CARS1: variants seen among roughly 807,000 people sequenced by gnomAD.
CARS1 encodes cysteinyl-tRNA synthetase 1.
Under a neutral mutation model 106.2 loss-of-function variants are expected in CARS1, and 48 were observed. The ratio of observed to expected loss-of-function variants is 0.45; its 90% CI spans 0.36 to 0.57. CARS1 has a LOEUF of 0.57. Among genes scored for constraint, CARS1 ranks in the 20% least tolerant of loss-of-function variants. The pLI, the probability that CARS1 is intolerant of heterozygous loss-of-function variation, is 0.00. For synonymous variants in CARS1, 409 were observed against 403.4 expected (o/e 1.01, Z -0.17); for missense variants, 968 against 1,057.2 (o/e 0.92, Z 1.17).
chr11:3,004,476 C>T lies in CARS1; in HGVS notation c.2217+890G>A, dbSNP rs889395285. ...TCCTGAGAGCTGTGGCATCCAAACT[C>T]GCCCTCCACGGTGGTCTCCTGCTTT... On this transcript the variant is annotated intron_variant, in intron 20 of 22. Coordinates refer to ENST00000380525, the MANE Select transcript of CARS1 (RefSeq NM_001014437.3). This position sits in a 1 kb window ranked among gnomAD's most constrained non-coding sequence, Gnocchi z 5.2. Among the ~76,000 whole-genome samples the T allele has an allele frequency of 2.0e-5, 3 of 152,208 alleles. No individual in the cohort carries two copies. Among genetic ancestry groups the T allele is most frequent in the African/African-American group, 7.2e-5 (3 of 41,468 alleles).
intron 18 of CARS1, among the ~76,000 whole-genome samples, chr11:3,011,914 C>A (rs1367432024): frequency 6.6e-6 from 1 of 152,236 alleles, no homozygotes; most frequent in Admixed American, 6.5e-5. Context: ...TCAACCCTGG[C>A]CCATCATATC....
rs953873382 is a variant in CARS1, at chr11:3,041,151, G to A, written c.367-167C>T. The A allele has an allele frequency of 9.2e-7, 1 of 1,091,232 alleles. No homozygotes were observed. Among genetic ancestry groups the A allele is most frequent in the African/African-American group, 1.6e-5 (1 of 62,272 alleles). 67.6% of individuals were successfully genotyped at this position (1,091,232 alleles called of 1,614,324 possible). On this transcript the variant is annotated intron_variant, in intron 3 of 22. Transcript: ENST00000380525. The surrounding 1 kb of genome is among the most constrained non-coding windows in gnomAD (Gnocchi z 4.9). ...AAGTCACAGTCTCAGTGGGAGCCCA[G>A]TGAGATGTACGGCACCTCCCACCAA...
Position 3,028,087 on chromosome 11 carries a change from G to A in CARS1, c.1031+909C>T. ...AGATAGCAGTAGCAAATTAGTGAAA[G>A]TACTAAAAGTCTCTGATATGCAGAA... On this transcript the variant is annotated intron_variant, in intron 9 of 22. Coordinates refer to ENST00000380525, the MANE Select transcript of CARS1 (RefSeq NM_001014437.3). This position sits in a 1 kb window ranked among gnomAD's most constrained non-coding sequence, Gnocchi z 4.4. 1 of 291,198 alleles carries A rather than the reference G, an allele frequency of 3.4e-6. No individual in the cohort carries two copies. Among genetic ancestry groups the A allele is most frequent in the East Asian group, 9.9e-5 (1 of 10,150 alleles). 18.0% of individuals were successfully genotyped at this position (291,198 alleles called of 1,614,324 possible).
chr11:3,049,407 T>C (rs1855433921), intron 1 of CARS1, among the ~76,000 whole-genome samples: 1 of 152,230 alleles, frequency 6.6e-6, no homozygotes, highest in Admixed American at 6.5e-5. Flanking sequence ...TCCCTGCAAT[T>C]ACCTCTGACA....
In CARS1 at chr11:3,040,761, T is replaced by A. The variant is rs1430015923; in HGVS notation, c.455+135A>T. ...TAAAAATAAGAGAAGAAATTCAGTC[T>A]TGATTCCTCAAATCTCAGGTCTCTG... On this transcript the variant is annotated intron_variant, in intron 4 of 22. Coordinates refer to ENST00000380525, the MANE Select transcript of CARS1 (RefSeq NM_001014437.3). This position sits in a 1 kb window ranked among gnomAD's most constrained non-coding sequence, Gnocchi z 5.8. 22 of 872,458 alleles carry A rather than the reference T, an allele frequency of 2.5e-5. No individual in the cohort carries two copies. The highest frequency in any genetic ancestry group is 1.8e-5 in the Non-Finnish European group (10 of 556,576). 54.0% of individuals were successfully genotyped at this position (872,458 alleles called of 1,614,324 possible).
At chr11:3,005,573 C>T (rs1849779445) in intron 19 of CARS1, 140 bp from the exon 20 acceptor site, 1 of 599,858 alleles carries the variant, frequency 1.7e-6, no homozygotes, top group Non-Finnish European at 3.0e-6. Context: ...GAAAAACAAA[C>T]AAAAACCTCC....
In CARS1 at chr11:3,018,478, G is replaced by A. The variant is rs769328079; in HGVS notation, c.1559C>T (p.Ser520Leu). The change falls in exon 14 of 23, where the codon TCG becomes TTG. Residue 520 changes from serine (S) to leucine (L), a missense_variant. Physicochemically the swap from Ser to Leu is moderately radical, Grantham distance 145. Transcript: ENST00000380525. ...RQLRLAFLMH[S>L]WKDTLDYSSN... is the part of the protein sequence containing the mutation. ...GGAGTAGTCCAGGGTGTCCTTCCAC[G>A]AGTGCATGAGGAAGGCCAGCCGCAA... 6.2e-6 allele frequency: 10 copies of A among 1,614,032 alleles called. No individual in the cohort carries two copies. The East Asian group carries it at 6.7e-5, about 11-fold the overall frequency.
chr11:3,039,943 A>G lies in CARS1; in HGVS notation c.456-12T>C. 1 of 1,454,544 alleles carries G rather than the reference A, an allele frequency of 6.9e-7. No individual in the cohort carries two copies. Among genetic ancestry groups the G allele is most frequent in the African/African-American group, 1.4e-5 (1 of 70,148 alleles). The allele number at this position is 1,454,544 out of a possible 1,614,324, so 90.1% of individuals were successfully genotyped here. On this transcript the variant is annotated splice_polypyrimidine_tract_variant and intron_variant, in intron 4 of 22. Transcript: ENST00000380525. The surrounding 1 kb of genome is among the most constrained non-coding windows in gnomAD (Gnocchi z 5.6). ...AAGAGATGTAGGACCTAAAGCAATGAAAAAACAAACATTTCCACACCAGAC... is the reference window on the plus strand; with the variant it reads ...AAGAGATGTAGGACCTAAAGCAATGGAAAAACAAACATTTCCACACCAGAC...
chr11:3,018,521 G>GA lies in CARS1; in HGVS notation c.1526-11dup. On this transcript the variant is annotated splice_polypyrimidine_tract_variant and intron_variant, in intron 13 of 22. Coordinates refer to ENST00000380525, the MANE Select transcript of CARS1 (RefSeq NM_001014437.3). ...AGCCGCAACTGCCGTGCTGTGGGGG[G>GA]ACACAAGACAGCCAACGCCCTTATT... 2 of 1,613,234 alleles carry GA rather than the reference G, an allele frequency of 1.2e-6. No individual in the cohort carries two copies. The highest frequency in any genetic ancestry group is 8.5e-7 in the Non-Finnish European group (1 of 1,179,166).
chr11:3,001,911 C>A (rs1849432039), intron 22 of CARS1, 59 bp downstream of exon 22: 1 of 1,283,574 alleles, frequency 7.8e-7, no homozygotes, highest in Non-Finnish European at 1.1e-6. Context: ...TCCTGTCCTC[C>A]CACTTTAATG....
chr11:3,018,444 G>A lies in CARS1; in HGVS notation c.1593C>T (p.Thr531=), dbSNP rs1851256171. Reference sequence around the variant, plus strand: ...TCTCATATTGAAGCGCTGACTCCATGGTGTTGCTGGAGTAGTCCAGGGTGT... The same window carrying A: ...TCTCATATTGAAGCGCTGACTCCATAGTGTTGCTGGAGTAGTCCAGGGTGT... The part of the protein sequence containing the change: ...WKDTLDYSSN[T]MESALQYEKF... Residue 531 remains threonine (T), a synonymous_variant, in exon 14 of 23, where the codon ACC becomes ACT. Coordinates refer to ENST00000380525, the MANE Select transcript of CARS1 (RefSeq NM_001014437.3). 2 of 1,613,782 alleles carry A rather than the reference G, an allele frequency of 1.2e-6. No individual in the cohort carries two copies. Among genetic ancestry groups the A allele is most frequent in the Non-Finnish European group, 1.7e-6 (2 of 1,179,640 alleles).
Position 3,017,207 on chromosome 11 carries a change from T to C in CARS1, c.1816A>G (p.Ser606Gly). ...GCTGCCATATAGAGGTTGCACTGAC[T>C]GACCAAGGCCCGCATCTCTTCCATG... Reference protein sequence around the residue: ...TVMEEMRALVSQCNLYMAARK... With the variant: ...TVMEEMRALVGQCNLYMAARK... The change falls in exon 16 of 23, where the codon AGT (serine) becomes GGT (glycine). Residue 606 changes from serine (S) to glycine (G), a missense_variant. Transcript: ENST00000380525. This position sits in a 1 kb window ranked among gnomAD's most constrained non-coding sequence, Gnocchi z 4.9. 6.2e-7 allele frequency: 1 copy of C among 1,614,198 alleles called. No homozygotes were observed. The highest frequency in any genetic ancestry group is 1.3e-5 in the African/African-American group (1 of 75,060).
Position 3,029,186 on chromosome 11 carries a change from C to T in CARS1, c.943-102G>A. 6.9e-7 allele frequency: 1 copy of T among 1,440,064 alleles called. No individual in the cohort carries two copies. Among genetic ancestry groups the T allele is most frequent in the Non-Finnish European group, 9.7e-7 (1 of 1,025,686 alleles). The allele number at this position is 1,440,064 out of a possible 1,614,324, so 89.2% of individuals were successfully genotyped here. A position where few individuals can be genotyped will look rare whatever the true frequency, so the allele number is the denominator to read the frequency against. On this transcript the variant is annotated intron_variant, in intron 8 of 22. Coordinates refer to ENST00000380525, the MANE Select transcript of CARS1 (RefSeq NM_001014437.3). This position sits in a 1 kb window ranked among gnomAD's most constrained non-coding sequence, Gnocchi z 5.9. ...AAAACGAAAAGCCCATTATGCCCCT[C>T]AACTCAAGTTCAATGTTGACTTGGC... is the stretch of plus-strand genomic sequence containing the variant.
Position 3,020,800 on chromosome 11 carries a change from T to C in CARS1, c.1154-468A>G, listed in dbSNP as rs1215244718. Among the ~76,000 whole-genome samples, 2 of 152,192 alleles carry C rather than the reference T, an allele frequency of 1.3e-5. No homozygotes were observed. Among genetic ancestry groups the C allele is most frequent in the Non-Finnish European group, 2.9e-5 (2 of 68,036 alleles). Reference sequence around the variant, plus strand: ...CTATCTGCTTATGGGTCCCGGGGGATACAAGGATGCAGCTAAGCTGCTGTG... The same window carrying C: ...CTATCTGCTTATGGGTCCCGGGGGACACAAGGATGCAGCTAAGCTGCTGTG... On this transcript the variant is annotated intron_variant, in intron 10 of 22. Coordinates refer to ENST00000380525, the MANE Select transcript of CARS1 (RefSeq NM_001014437.3). This position sits in a 1 kb window ranked among gnomAD's most constrained non-coding sequence, Gnocchi z 4.6.
rs1849629204 is a variant in CARS1 at position 3,004,018 on chromosome 11, C to T, written c.2217+1348G>A. Among the ~76,000 whole-genome samples the T allele has an allele frequency of 6.6e-6, 1 of 152,202 alleles. No homozygotes were observed. The highest frequency in any genetic ancestry group is 2.4e-5 in the African/African-American group (1 of 41,446). ...TGGCGCTCCTCTTGTCTGTTTCCTG[C>T]TTCTGAGCACTCTGCCAGGGAGTGC... On this transcript the variant is annotated intron_variant, in intron 20 of 22. Transcript: ENST00000380525. The surrounding 1 kb of genome is among the most constrained non-coding windows in gnomAD (Gnocchi z 5.2).
rs552337705 is a variant in CARS1 at position 3,014,227 on chromosome 11, C to G, written c.1986+1554G>C. Among the ~76,000 whole-genome samples, 22 of 152,294 alleles carry G rather than the reference C, an allele frequency of 1.4e-4. No homozygotes were observed. In the Middle Eastern group the frequency reaches 0.01, roughly 71 times the overall value. ...GCTGCAGGGGTGTGTCTCAAGAACG[C>G]CTGGGGCTGCAACCCCCACCTGAGC... On this transcript the variant is annotated intron_variant, in intron 17 of 22. Transcript: ENST00000380525.
intron 10 of CARS1, among the ~76,000 whole-genome samples, chr11:3,026,458 C>A (rs752911875): frequency 6.6e-6 from 1 of 152,174 alleles, no homozygotes; most frequent in Non-Finnish European, 1.5e-5. Context: ...CCATAAATTG[C>A]ATAATTATTA....
Position 3,045,456 on chromosome 11 carries a change from G to C in CARS1, c.274+2297C>G, listed in dbSNP as rs1350962770. 1.3e-5 allele frequency among the ~76,000 whole-genome samples: 2 copies of C among 152,176 alleles called. No individual in the cohort carries two copies. The highest frequency in any genetic ancestry group is 6.5e-5 in the Admixed American group (1 of 15,288). ...ATTTTTTGTATTTTTAGTAGAGACAGGTTGTCACCGACTTAGCGAGCATGG... is the reference window on the plus strand; with the variant it reads ...ATTTTTTGTATTTTTAGTAGAGACACGTTGTCACCGACTTAGCGAGCATGG... On this transcript the variant is annotated intron_variant, in intron 2 of 22. Coordinates refer to ENST00000380525, the MANE Select transcript of CARS1 (RefSeq NM_001014437.3). This position sits in a 1 kb window ranked among gnomAD's most constrained non-coding sequence, Gnocchi z 5.6.
chr11:3,023,143 A>G (rs1851729985), intron 10 of CARS1, among the ~76,000 whole-genome samples: 1 of 152,176 alleles, frequency 6.6e-6, no homozygotes, highest in African/African-American at 2.4e-5. Flanking sequence ...GGGGCCAGAT[A>G]GCAAAATTCA....
Sources: gnomAD v4.1 joint callset for allele counts (sites outside exome capture counted in the v4.1 genomes callset) on GRCh38, gnomAD v4.1.1 for gene constraint, Gnocchi (gnomAD v3.1) non-coding constraint, MANE v1.5 for transcripts, NCBI Gene and HGNC (gene_info 2026-07-23, HGNC 2026-07-21) for gene names.